Variants in ARL15 observed in about 807,000 individuals in gnomAD.
ARL15 encodes the protein ADP-ribosylation factor-like protein 15.
ARL15 carries 19 observed loss-of-function variants against 25.2 expected under a neutral mutation model. The ratio of observed to expected loss-of-function variants is 0.75; its 90% CI spans 0.53 to 1.10. ARL15 has a LOEUF of 1.10. Among genes scored for constraint, ARL15 ranks in the 50% least tolerant of loss-of-function variants. The probability of loss-of-function intolerance (pLI) is 0.00; values close to 1 mark genes in which losing one functional copy is unlikely to be tolerated. For missense variants in ARL15, 220 were observed against 246.0 expected (o/e 0.89, Z 0.71); for synonymous variants, 94 against 86.8 (o/e 1.08, Z -0.46).
At chr5:54,141,863 T>C (rs1435234847) in intron 3 of ARL15, among the ~76,000 whole-genome samples, 3 of 152,218 alleles carry the variant, frequency 2.0e-5, no homozygotes, top group Non-Finnish European at 4.4e-5. Flanking sequence ...AGCATAATTA[T>C]TTTGAGATTC....
chr5:54,236,537 G>A (rs1024043036), intron 1 of ARL15, among the ~76,000 whole-genome samples: 7 of 151,992 alleles, frequency 4.6e-5, no homozygotes, highest in Admixed American at 3.9e-4. Context: ...GAAACAATAT[G>A]TATGCTTCGT....
intron 4 of ARL15, among the ~76,000 whole-genome samples, chr5:54,099,287 A>G (rs945283776): frequency 3.9e-5 from 6 of 152,212 alleles, no homozygotes; most frequent in African/African-American, 1.4e-4. Flanking sequence ...ATCTTAAAGA[A>G]CAAGACTTGG....
intron 4 of ARL15, among the ~76,000 whole-genome samples, chr5:53,925,893 A>C (rs1050444382): frequency 7.9e-5 from 12 of 152,198 alleles, no homozygotes; most frequent in African/African-American, 2.4e-4. Context: ...AAAGAACTTA[A>C]ATATGTATCG....
chr5:54,184,265 A>ATC lies in ARL15; in HGVS notation c.49-12338_49-12337insGA, dbSNP rs1273598715. On this transcript the variant is annotated intron_variant, in intron 1 of 4. Coordinates refer to ENST00000504924, the MANE Select transcript of ARL15 (RefSeq NM_019087.3). ...AAAGTATAATAAAAAAAAAATCAAA[A>ATC]AAAAAAAAAAAAAAGAAAAATTTAA... 5.1e-3 allele frequency among the ~76,000 whole-genome samples: 116 copies of ATC among 22,944 alleles called. No individual in the cohort carries two copies. The East Asian group carries it at 0.16, about 33-fold the overall frequency. 15.1% of individuals were successfully genotyped at this position (22,944 alleles called of 152,430 possible).
chr5:53,946,045 A>C (rs1020112634), intron 4 of ARL15, among the ~76,000 whole-genome samples: 2 of 152,192 alleles, frequency 1.3e-5, no homozygotes, highest in Non-Finnish European at 2.9e-5. Flanking sequence ...CACTCTTTCA[A>C]ATTTCAGTTT....
intron 3 of ARL15, among the ~76,000 whole-genome samples, chr5:54,150,349 A>C (rs1754031392): frequency 6.6e-6 from 1 of 152,256 alleles, no homozygotes. Context: ...TTACAGAACC[A>C]GAAGTCAGAA....
At chr5:53,926,461 A>T (rs1007479943) in intron 4 of ARL15, among the ~76,000 whole-genome samples, 5 of 152,148 alleles carry the variant, frequency 3.3e-5, no homozygotes, top group Non-Finnish European at 7.3e-5. Context: ...ACAGGTAAGA[A>T]TATCTCTCAT....
chr5:53,957,948 A>C (rs1294671396), intron 4 of ARL15, among the ~76,000 whole-genome samples: 4 of 152,118 alleles, frequency 2.6e-5, no homozygotes, highest in Non-Finnish European at 5.9e-5. Context: ...GGTGGCTCAC[A>C]CCTGTAATCC....
intron 3 of ARL15, among the ~76,000 whole-genome samples, chr5:54,124,980 G>A (rs1350992463): frequency 2.0e-5 from 3 of 152,200 alleles, no homozygotes; most frequent in Non-Finnish European, 4.4e-5. Context: ...AGAGAATGTG[G>A]CAAGGTGATG....
chr5:54,002,590 T>G (rs1358060061), intron 4 of ARL15, among the ~76,000 whole-genome samples: 2 of 152,182 alleles, frequency 1.3e-5, no homozygotes, highest in Non-Finnish European at 2.9e-5. Context: ...TGACTAAACC[T>G]AGCGCACTGC....
intron 4 of ARL15, among the ~76,000 whole-genome samples, chr5:54,052,792 G>T (rs1348095176): frequency 6.6e-6 from 1 of 152,020 alleles, no homozygotes; most frequent in African/African-American, 2.4e-5. Flanking sequence ...TATCAGCTGA[G>T]GTCTAGAAGC....
At chr5:53,901,970 G>A (rs1025002933) in intron 4 of ARL15, among the ~76,000 whole-genome samples, 10 of 152,210 alleles carry the variant, frequency 6.6e-5, no homozygotes, top group Non-Finnish European at 1.5e-4. Flanking sequence ...AAAATAGCAT[G>A]AGAGGAAGAA....
chr5:54,241,675 C>G (rs1756960914), intron 1 of ARL15, among the ~76,000 whole-genome samples: 2 of 152,058 alleles, frequency 1.3e-5, no homozygotes, highest in African/African-American at 4.8e-5. Context: ...TTATATAATT[C>G]CGTGTTGAAT....
chr5:53,975,337 T>C (rs1272059110), intron 4 of ARL15, among the ~76,000 whole-genome samples: 3 of 152,158 alleles, frequency 2.0e-5, no homozygotes, highest in Non-Finnish European at 4.4e-5. Context: ...TGACTGTCCA[T>C]TGCTGGAAAT....
intron 4 of ARL15, among the ~76,000 whole-genome samples, chr5:54,074,637 A>T (rs934402540): frequency 6.6e-6 from 1 of 152,214 alleles, no homozygotes; most frequent in South Asian, 2.1e-4. Context: ...CTGTGTTATT[A>T]AGAAAAGGCA....
chr5:54,103,310 G>A (rs1389759843), intron 4 of ARL15, among the ~76,000 whole-genome samples: 1 of 152,016 alleles, frequency 6.6e-6, no homozygotes, highest in Non-Finnish European at 1.5e-5. Context: ...AAAGCTATGT[G>A]CTACCTTCAA....
intron 4 of ARL15, among the ~76,000 whole-genome samples, chr5:54,087,153 A>G (rs1014266396): frequency 5.3e-5 from 8 of 152,106 alleles, no homozygotes; most frequent in African/African-American, 1.9e-4. Context: ...TGGCTAACAC[A>G]GTGAAACCCC....
chr5:54,028,438 A>G (rs960330007), intron 4 of ARL15, among the ~76,000 whole-genome samples: 1 of 151,660 alleles, frequency 6.6e-6, no homozygotes, highest in African/African-American at 2.4e-5. Flanking sequence ...CTCTTTTCCC[A>G]TTCAAAATTC....
intron 3 of ARL15, among the ~76,000 whole-genome samples, chr5:54,123,595 A>G (rs1286409549): frequency 6.6e-6 from 1 of 152,172 alleles, no homozygotes; most frequent in African/African-American, 2.4e-5. Context: ...AGTTTCTATG[A>G]GTGAAGGTGG....
Sources: allele counts gnomAD v4.1 joint callset (sites outside exome capture counted in the v4.1 genomes callset), GRCh38; gene constraint gnomAD v4.1.1; transcripts MANE v1.5; gene names NCBI Gene and HGNC (gene_info 2026-07-23, HGNC 2026-07-21).